The following MSI1 variants were observed in gnomAD, a reference collection of about 807,000 sequenced individuals.
MSI1 encodes musashi RNA binding protein 1.
Under a neutral mutation model 54.4 loss-of-function variants are expected in MSI1, and 15 were observed. The ratio of observed to expected loss-of-function variants is 0.28; its 90% CI spans 0.18 to 0.42. MSI1 has a LOEUF of 0.42. Ranked by LOEUF, MSI1 falls within the 20% of genes least tolerant of loss-of-function variation. MSI1 has a pLI of 1.00. For synonymous variants in MSI1, 200 were observed against 196.5 expected, an observed-to-expected ratio of 1.02 and a Z score of -0.15; for missense variants, 304 against 506.0, an observed-to-expected ratio of 0.60 and a Z score of 3.83.
chr12:120,349,096 T>G (rs1309927107), intron 11 of MSI1, among the ~76,000 whole-genome samples: 1 of 43,734 alleles, frequency 2.3e-5, no homozygotes, highest in African/African-American at 4.2e-5. Context: ...TTTTACTTGA[T>G]TTTTTTTTTT....
chr12:120,357,061 A>T, intron 8 of MSI1, 42 bp from the exon 9 acceptor site: 1 of 1,533,956 alleles, frequency 6.5e-7, no homozygotes, highest in Non-Finnish European at 9.0e-7. Context: ...ACAGAGCTAG[A>T]GTCATTAGCC....
At position 120,347,465 on chromosome 12, in the gene MSI1, C is replaced by T. The variant is rs141481855; in HGVS notation, c.840G>A (p.Ala280=). The T allele has an allele frequency of 1.8e-3, 2,958 of 1,613,960 alleles. 2 individuals carry two copies. The highest frequency in any genetic ancestry group is 2.3e-3 in the Non-Finnish European group (2,725 of 1,179,954). ...YGPMAAAAAA[A]AVVRGTGSHP... ...GCTCACCTGTCCCTCGAACCACAGC[C>T]GCTGCCGCCGCTGCCGCCGCCATTG... is the stretch of plus-strand genomic sequence containing the variant. The change falls in exon 12 of 15, where the codon GCG becomes GCA. Residue 280 remains alanine (A), a synonymous_variant. Transcript: ENST00000257552.
chr12:120,356,943 G>C lies in MSI1; in HGVS notation c.611C>G (p.Pro204Arg). The change falls in exon 9 of 15, where the codon CCC becomes CGC. Residue 204 changes from proline (P) to arginine (R), a missense_variant. Physicochemically the swap from Pro to Arg is moderately radical, Grantham distance 103 (BLOSUM62 -2). Around this residue, in one of 4 missense-constraint regions of MSI1, gnomAD observed 22 missense variants for 19.6 expected, o/e 1.12. Coordinates refer to ENST00000257552, the MANE Select transcript of MSI1 (RefSeq NM_002442.4). ...CAGCATGAAGGCGTCCATTCCGTAG[G>C]GCATGACTCGAGACCTCCCCCGGGC... The part of the protein sequence containing the change: ...GSARGRSRVM[P>R]YGMDAFMLGI... The C allele has an allele frequency of 6.2e-7, 1 of 1,614,198 alleles. No individual in the cohort carries two copies. Among genetic ancestry groups the C allele is most frequent in the Non-Finnish European group, 8.5e-7 (1 of 1,180,036 alleles).
In MSI1 at chr12:120,350,435, C is replaced by G. The variant is rs112517561; in HGVS notation, c.790+909G>C. 3.6e-3 allele frequency among the ~76,000 whole-genome samples: 549 copies of G among 152,314 alleles called. 4 individuals are homozygous for G. The highest frequency in any genetic ancestry group is 0.013 in the African/African-American group (524 of 41,570). ...GGAAGAGCCTCTGTTACCTGCATCTCTAGGGTTCTCCTCCCCACCCCTTCC... is the reference window on the plus strand; with the variant it reads ...GGAAGAGCCTCTGTTACCTGCATCTGTAGGGTTCTCCTCCCCACCCCTTCC... On this transcript the variant is annotated intron_variant, in intron 11 of 14. Coordinates refer to ENST00000257552, the MANE Select transcript of MSI1 (RefSeq NM_002442.4).
At chr12:120,360,073 C>T (rs997145220) in intron 6 of MSI1, among the ~76,000 whole-genome samples, 32 of 152,054 alleles carry the variant, frequency 2.1e-4, no homozygotes, top group African/African-American at 7.5e-4. Context: ...GCAGCCCCCG[C>T]CTCCCAGGTT....
At chr12:120,347,969 GGCCCCCAGGCCTGCT>G (rs1291703703) in intron 11 of MSI1, among the ~76,000 whole-genome samples, 2 of 152,164 alleles carry the variant, frequency 1.3e-5, no homozygotes, top group East Asian at 1.9e-4. Context: ...ACATGGGACA[GGCCCCCAGGCCTGCT>G]GCCCCCAGGT....
Position 120,351,368 on chromosome 12 carries a change from C to T in MSI1, c.766G>A (p.Ala256Thr), listed in dbSNP as rs199784305. The T allele has an allele frequency of 2.0e-5, 33 of 1,610,614 alleles. No homozygotes were observed. The highest frequency in any genetic ancestry group is 1.8e-4 in the East Asian group (8 of 44,622). ...FRVERTPLPS[A>T]PVLPELTAIP... Reference sequence around the variant, plus strand: ...CCTGTAAGCTCGGGGAGGACTGGGGCGCTCGGGAGAGGGGTCCGCTCTACA... The same window carrying T: ...CCTGTAAGCTCGGGGAGGACTGGGGTGCTCGGGAGAGGGGTCCGCTCTACA... Residue 256 changes from alanine to threonine, a missense_variant, in exon 11 of 15, where the codon GCC (alanine) becomes ACC (threonine). Around this residue, in one of 4 missense-constraint regions of MSI1, gnomAD observed 147 missense variants for 231.5 expected, o/e 0.64. Transcript: ENST00000257552.
intron 11 of MSI1, among the ~76,000 whole-genome samples, chr12:120,349,665 T>C (rs1325128995): frequency 6.6e-6 from 1 of 152,226 alleles, no homozygotes; most frequent in African/African-American, 2.4e-5. Flanking sequence ...ATTTATCGAA[T>C]GCATGAAAAA....
At chr12:120,358,295 C>T (rs1249498036) in intron 7 of MSI1, among the ~76,000 whole-genome samples, 3 of 152,220 alleles carry the variant, frequency 2.0e-5, no homozygotes, top group African/African-American at 4.8e-5. Context: ...CATAGACACA[C>T]ATTCACGCAT....
intron 9 of MSI1, among the ~76,000 whole-genome samples, 153 bp from the exon 10 acceptor site, chr12:120,353,532 C>G (rs1249878634): frequency 6.6e-6 from 1 of 152,180 alleles, no homozygotes; most frequent in Non-Finnish European, 1.5e-5. Context: ...AGCCCTGTGC[C>G]AAGCACACTG....
At chr12:120,362,264 G>A (rs896718330) in intron 6 of MSI1, among the ~76,000 whole-genome samples, 2 of 151,942 alleles carry the variant, frequency 1.3e-5, no homozygotes, top group African/African-American at 2.4e-5. Flanking sequence ...CCAGCCTCTC[G>A]CCTGTCTCAC....
At chr12:120,345,480 G>T in intron 14 of MSI1, 90 bp downstream of exon 14, 1 of 1,156,304 alleles carries the variant, frequency 8.6e-7, no homozygotes, top group Non-Finnish European at 1.3e-6. Context: ...GGTTCTTGAG[G>T]GCAGGGATGG....
chr12:120,345,762 G>C, intron 13 of MSI1, 130 bp from the exon 14 acceptor site: 1 of 1,078,502 alleles, frequency 9.3e-7, no homozygotes, highest in Admixed American at 1.8e-5. Flanking sequence ...CCCCCCTACT[G>C]CAGGTCTGCC....
chr12:120,353,340 C>T lies in MSI1; in HGVS notation c.692G>A (p.Ser231Asn), dbSNP rs192219825. The T allele has an allele frequency of 1.9e-6, 3 of 1,614,126 alleles. No individual in the cohort carries two copies. The highest frequency in any genetic ancestry group is 2.2e-5 in the East Asian group (1 of 44,884). ...GFQATTYASR[S>N]YTGLAPGYTY... Reference sequence around the variant, plus strand: ...GTAGCCAGGGGCGAGGCCTGTATAACTCCGGCTGGCGTAGGTTGTGGCTTG... The same window carrying T: ...GTAGCCAGGGGCGAGGCCTGTATAATTCCGGCTGGCGTAGGTTGTGGCTTG... Residue 231 changes from serine (S) to asparagine (N), a missense_variant, in exon 10 of 15, where the codon AGT becomes AAT. Around this residue, in one of 4 missense-constraint regions of MSI1, gnomAD observed 147 missense variants for 231.5 expected, o/e 0.64. Transcript: ENST00000257552.
chr12:120,357,728 A>C (rs1875258614), intron 8 of MSI1, 88 bp downstream of exon 8: 1 of 1,309,278 alleles, frequency 7.6e-7, no homozygotes, highest in Non-Finnish European at 1.1e-6. Flanking sequence ...CTGGTCTCAA[A>C]CTCCTGACCT....
At chr12:120,364,262 G>C (rs1421603163) in intron 5 of MSI1, among the ~76,000 whole-genome samples, 3 of 152,142 alleles carry the variant, frequency 2.0e-5, no homozygotes, top group Non-Finnish European at 4.4e-5. Flanking sequence ...CAGAGTCTGT[G>C]GTCCCCTCTG....
At chr12:120,346,761 A>G (rs1169155595) in intron 12 of MSI1, among the ~76,000 whole-genome samples, 1 of 152,106 alleles carries the variant, frequency 6.6e-6, no homozygotes, top group Non-Finnish European at 1.5e-5. Context: ...TTGCCTTTGA[A>G]TGCAAAGTTA....
At chr12:120,347,373 C>G in intron 12 of MSI1, 73 bp downstream of exon 12, 52 of 1,554,148 alleles carry the variant, frequency 3.3e-5, no homozygotes, top group South Asian at 4.5e-5. Flanking sequence ...TGGCAGTGGC[C>G]TTCTCCCCTC....
intron 6 of MSI1, 151 bp from the exon 7 acceptor site, chr12:120,359,204 C>A: frequency 2.3e-6 from 2 of 853,192 alleles, no homozygotes; most frequent in South Asian, 3.3e-5. Context: ...TTTCCTTCTG[C>A]AACCCCACTG....
Sources: gnomAD v4.1 joint callset for allele counts (sites outside exome capture counted in the v4.1 genomes callset) on GRCh38, gnomAD v4.1.1 for gene constraint, gnomAD v4.1.1 regional missense constraint, MANE v1.5 for transcripts, NCBI Gene and HGNC (gene_info 2026-07-23, HGNC 2026-07-21) for gene names.